CDK10: variants seen among roughly 807,000 people sequenced by gnomAD.
The protein encoded by CDK10 is cyclin-dependent kinase 10.
Under a neutral mutation model 51.0 loss-of-function variants are expected in CDK10, and 55 were observed. That is an observed-to-expected ratio of 1.08 (90% CI 0.87 to 1.35). The LOEUF (loss-of-function observed/expected upper bound fraction) is 1.35, where lower values mean the gene tolerates loss of function less well. Among genes scored for constraint, CDK10 ranks in the 40% most tolerant of loss-of-function variants. CDK10 has a pLI of 0.00. For synonymous variants in CDK10, 255 were observed against 199.1 expected (o/e 1.28, Z -2.36); for missense variants, 589 against 485.1 (o/e 1.21, Z -2.01).
chr16:89,689,219 A>G lies in CDK10; in HGVS notation c.88-33A>G, dbSNP rs746211058. Reference sequence around the variant, plus strand: ...TCCTCAGTTGTTCCATCAGCTGCCAAATTTCCACACTGGCAACACCCTTCT... The same window carrying G: ...TCCTCAGTTGTTCCATCAGCTGCCAGATTTCCACACTGGCAACACCCTTCT... On this transcript the variant is annotated intron_variant, in intron 1 of 12. Coordinates refer to ENST00000353379, the MANE Select transcript of CDK10 (RefSeq NM_052988.5). 6.2e-6 allele frequency: 10 copies of G among 1,609,904 alleles called. No individual in the cohort carries two copies. The African/African-American group carries it at 9.4e-5, about 15-fold the overall frequency.
At chr16:89,694,518 C>G in intron 9 of CDK10, 147 bp from the exon 10 acceptor site, 1 of 1,421,738 alleles carries the variant, frequency 7.0e-7, no homozygotes, top group Non-Finnish European at 9.5e-7. Flanking sequence ...AGCCAGTGGT[C>G]CCTGCCTGTC....
rs201507040 is a variant in CDK10, at chr16:89,686,761, T to G, written c.51T>G (p.Arg17=). The part of the protein sequence containing the change: ...ECEQIRLKCI[R]KEGFFTVPPE... ...AGCAGATCCGTCTGAAGTGTATTCG[T>G]AAGGAGGGCTTCTTCACGGTGCCTC... is the stretch of plus-strand genomic sequence containing the variant. Residue 17 remains arginine (R), a synonymous_variant, in exon 1 of 13, where the codon CGT becomes CGG. Transcript: ENST00000353379. 3.2e-4 allele frequency: 523 copies of G among 1,612,354 alleles called. 2 individuals are homozygous for G. In the Middle Eastern group the frequency reaches 9.1e-3, roughly 28 times the overall value.
Position 89,691,477 on chromosome 16 carries a change from G to A in CDK10, c.267G>A (p.Leu89=). 1 of 1,613,538 alleles carries A rather than the reference G, an allele frequency of 6.2e-7. No homozygotes were observed. Among genetic ancestry groups the A allele is most frequent in the Non-Finnish European group, 8.5e-7 (1 of 1,179,790 alleles). The change falls in exon 4 of 13, where the codon CTG becomes CTA. Residue 89 remains leucine (L), a synonymous_variant. Coordinates refer to ENST00000353379, the MANE Select transcript of CDK10 (RefSeq NM_052988.5). ...IPISSLREIT[L]LLRLRHPNIV... ...TCAGCAGCTTGCGGGAGATCACGCTGCTGCTCCGCCTGCGTCATCCGAACA... is the reference window on the plus strand; with the variant it reads ...TCAGCAGCTTGCGGGAGATCACGCTACTGCTCCGCCTGCGTCATCCGAACA...
chr16:89,692,096 G>A, intron 5 of CDK10: 3 of 600,222 alleles, frequency 5.0e-6, no homozygotes, highest in Non-Finnish European at 8.8e-6. Context: ...AGAGCCTTAT[G>A]AGGGCACTGG....
chr16:89,691,798 T>G lies in CDK10; in HGVS notation c.336-8T>G, dbSNP rs367685843. 6.2e-7 allele frequency: 1 copy of G among 1,613,584 alleles called. No homozygotes were observed. Among genetic ancestry groups the G allele is most frequent in the South Asian group, 1.1e-5 (1 of 91,080 alleles). Reference sequence around the variant, plus strand: ...CGGAGAGTGGCATGCATCTTCTGTTTCTTCCAGCATCTTCCTGGTGATGGG... The same window carrying G: ...CGGAGAGTGGCATGCATCTTCTGTTGCTTCCAGCATCTTCCTGGTGATGGG... On this transcript the variant is annotated splice_region_variant and splice_polypyrimidine_tract_variant and intron_variant, in intron 4 of 12. Coordinates refer to ENST00000353379, the MANE Select transcript of CDK10 (RefSeq NM_052988.5).
chr16:89,689,384 G>A, intron 2 of CDK10, 60 bp downstream of exon 2: 1 of 1,479,182 alleles, frequency 6.8e-7, no homozygotes, highest in Non-Finnish European at 9.5e-7. Flanking sequence ...TGTGGGACGA[G>A]ACTGTCGAAG....
Position 89,686,720 on chromosome 16 carries a change from C to T in CDK10, c.10C>T (p.Pro4Ser). The T allele has an allele frequency of 4.4e-6, 7 of 1,603,910 alleles. No individual in the cohort carries two copies. The highest frequency in any genetic ancestry group is 1.7e-4 in the Middle Eastern group (1 of 5,962). Residue 4 changes from proline (P) to serine (S), a missense_variant, in exon 1 of 13, where the codon CCA becomes TCA. Pro to Ser is a moderately conservative substitution (Grantham distance 74, BLOSUM62 -1). Transcript: ENST00000353379. ...GGGGCCAGCGCTCGGCATGGCGGAG[C>T]CAGATCTGGAGTGCGAGCAGATCCG... The part of the protein sequence containing the change: MAE[P>S]DLECEQIRLK...
intron 12 of CDK10, 75 bp downstream of exon 12, chr16:89,695,420 G>A: frequency 6.5e-7 from 1 of 1,532,570 alleles, no homozygotes; most frequent in African/African-American, 1.4e-5. Flanking sequence ...GGGTGGTGGA[G>A]AAGTGGCCTG....
At chr16:89,694,365 G>T (rs1191843250) in intron 9 of CDK10, 133 bp downstream of exon 9, 1 of 1,018,116 alleles carries the variant, frequency 9.8e-7, no homozygotes, top group Non-Finnish European at 1.5e-6. Flanking sequence ...CCCACTCCCA[G>T]GGAGGTGGGC....
At chr16:89,686,896 C>T (rs2060213404) in intron 1 of CDK10, 99 bp downstream of exon 1, 1 of 1,045,910 alleles carries the variant, frequency 9.6e-7, no homozygotes, top group Non-Finnish European at 1.4e-6. Flanking sequence ...GCCGAGGCTT[C>T]CGGCACGGGC....
rs2060623211 is a variant in CDK10, at chr16:89,694,747, A to G, written c.751A>G (p.Ile251Val). The G allele has an allele frequency of 1.3e-6, 2 of 1,573,392 alleles. No individual in the cohort carries two copies. Among genetic ancestry groups the G allele is most frequent in the Non-Finnish European group, 1.7e-6 (2 of 1,160,454 alleles). Residue 251 changes from isoleucine to valine, a missense_variant, in exon 10 of 13, where the codon ATC becomes GTC. Coordinates refer to ENST00000353379, the MANE Select transcript of CDK10 (RefSeq NM_052988.5). The stretch of plus-strand genomic sequence containing the variant: ...TTCCGAGATCCACCAGATCGACTTG[A>G]TCGTGCAGCTGCTGGGCACGCCCAG... ...GTSEIHQIDL[I>V]VQLLGTPSEN...
Position 89,695,904 on chromosome 16 carries a change from G to T in CDK10, c.*212G>T, listed in dbSNP as rs995481707. On this transcript the variant is annotated 3_prime_UTR_variant, in exon 13 of 13. Coordinates refer to ENST00000353379, the MANE Select transcript of CDK10 (RefSeq NM_052988.5). ...GGTGACACCGGGGGGCTCCCAGCCC[G>T]TGCACCCTGGAAGGGCAGGTCTGGC... 1.9e-5 allele frequency: 20 copies of T among 1,080,454 alleles called. No individual in the cohort carries two copies. In the African/African-American group the frequency reaches 3.0e-4, roughly 16 times the overall value. The allele number at this position is 1,080,454 out of a possible 1,614,324, so 66.9% of individuals were successfully genotyped here.
At chr16:89,691,636 G>C (rs2060455064) in intron 4 of CDK10, 91 bp downstream of exon 4, 1 of 1,260,284 alleles carries the variant, frequency 7.9e-7, no homozygotes, top group African/African-American at 1.5e-5. Flanking sequence ...AGTGTCACTG[G>C]GCATGAGGTT....
At position 89,696,097 on chromosome 16, in the gene CDK10, TCA is replaced by T. The variant is rs1462970211; in HGVS notation, c.*406_*407del. 2 of 482,776 alleles carry T rather than the reference TCA, an allele frequency of 4.1e-6. No individual in the cohort carries two copies. Among genetic ancestry groups the T allele is most frequent in the Non-Finnish European group, 3.8e-6 (1 of 262,780 alleles). The allele number at this position is 482,776 out of a possible 1,614,324, so 29.9% of individuals were successfully genotyped here. A position where few individuals can be genotyped will look rare whatever the true frequency, so the allele number is the denominator to read the frequency against. ...GCCCAGAAGACCTTCGTATCCCCTC[TCA>T]GTCGCCCGGGGCTGTCCCGTGCATG... On this transcript the variant is annotated 3_prime_UTR_variant, in exon 13 of 13. Transcript: ENST00000353379.
At chr16:89,688,897 T>C (rs1245535547) in intron 1 of CDK10, among the ~76,000 whole-genome samples, 1 of 152,082 alleles carries the variant, frequency 6.6e-6, no homozygotes, top group Non-Finnish European at 1.5e-5. Flanking sequence ...GGTCAGGAGC[T>C]CAAGACCAGC....
In CDK10 at chr16:89,693,468, G is replaced by T. The variant is rs771066826; in HGVS notation, c.608+1G>T. 21 of 1,614,032 alleles carry T rather than the reference G, an allele frequency of 1.3e-5. No individual in the cohort carries two copies. Among genetic ancestry groups the T allele is most frequent in the Non-Finnish European group, 1.7e-5 (20 of 1,180,000 alleles). On this transcript the variant is annotated splice_donor_variant, in intron 8 of 12. Coordinates refer to ENST00000353379, the MANE Select transcript of CDK10 (RefSeq NM_052988.5). LOFTEE classifies it high-confidence loss of function. ...TGACCCCCAAGGTGGTCACTCTCTG[G>T]TAAGTCCTTCTGAAGCATGGTGGCC...
rs140174745 is a variant in CDK10 at position 89,694,960 on chromosome 16, G to C, written c.822G>C (p.Gln274His). The change falls in exon 11 of 13, where the codon CAG becomes CAC. Residue 274 changes from glutamine to histidine, a missense_variant. Coordinates refer to ENST00000353379, the MANE Select transcript of CDK10 (RefSeq NM_052988.5). Reference protein sequence around the residue: ...PGFSKLPLVGQYSLRKQPYNN... With the variant: ...PGFSKLPLVGHYSLRKQPYNN... The stretch of plus-strand genomic sequence containing the variant: ...TTTCCAAGCTGCCACTGGTCGGCCA[G>C]TACAGCCTCCGGAAGCAGCCCTACA... 1 of 1,613,272 alleles carries C rather than the reference G, an allele frequency of 6.2e-7. No individual in the cohort carries two copies. Among genetic ancestry groups the C allele is most frequent in the Admixed American group, 1.7e-5 (1 of 60,020 alleles).
intron 10 of CDK10, 24 bp downstream of exon 10, chr16:89,694,812 AGCCCCCGCCC>A: frequency 8.3e-7 from 1 of 1,211,294 alleles, no homozygotes; most frequent in South Asian, 1.6e-5. Flanking sequence ...GCAGACCCGC[AGCCCCCGCCC>A]GTGCCCACGC....
In CDK10 at chr16:89,691,912, G is replaced by T. The variant is rs764897420; in HGVS notation, c.417+25G>T. The T allele has an allele frequency of 5.6e-6, 9 of 1,601,026 alleles. No individual in the cohort carries two copies. The Admixed American group carries it at 8.4e-5, about 15-fold the overall frequency. On this transcript the variant is annotated intron_variant, in intron 5 of 12. Transcript: ENST00000353379. The stretch of plus-strand genomic sequence containing the variant: ...GGTGCGTGGCAGAGGGGCCTGGGGT[G>T]GGGGAATGGGCTTCATGGGCCCTTG...
Sources: gnomAD v4.1 joint callset for allele counts (sites outside exome capture counted in the v4.1 genomes callset) on GRCh38, gnomAD v4.1.1 for gene constraint, MANE v1.5 for transcripts, NCBI Gene and HGNC (gene_info 2026-07-23, HGNC 2026-07-21) for gene names.